The following KIF2C variants were observed in gnomAD, a reference collection of about 807,000 sequenced individuals.
KIF2C encodes kinesin family member 2C.
A neutral mutation model predicts 97.4 loss-of-function variants in KIF2C; 34 were observed. The ratio of observed to expected loss-of-function variants is 0.35; its 90% confidence interval spans 0.27 to 0.46. The LOEUF (loss-of-function observed/expected upper bound fraction) is 0.46. Ranked by LOEUF, KIF2C falls within the 20% of genes least tolerant of loss-of-function variation. KIF2C has a pLI of 1.00. For missense variants in KIF2C, 750 were observed against 907.6 expected, an observed-to-expected ratio of 0.83 and a Z score of 2.23; for synonymous variants, 313 against 318.2, an observed-to-expected ratio of 0.98 and a Z score of 0.17.
At position 44,760,264 on chromosome 1, in the gene KIF2C, C is replaced by G; in HGVS notation, c.1368-16C>G. On this transcript the variant is annotated splice_polypyrimidine_tract_variant and intron_variant, in intron 14 of 20. Coordinates refer to ENST00000372224, the MANE Select transcript of KIF2C (RefSeq NM_006845.4). The surrounding 1 kb of genome is among the most constrained non-coding windows in gnomAD (Gnocchi z 4.2). Reference sequence around the variant, plus strand: ...GGCTGGTGACCACAGAATCTCATAACCTTTCTTTACCACAGAACCTCTGGG... The same window carrying G: ...GGCTGGTGACCACAGAATCTCATAAGCTTTCTTTACCACAGAACCTCTGGG... 1 of 1,612,762 alleles carries G rather than the reference C, an allele frequency of 6.2e-7. No individual in the cohort carries two copies. Among genetic ancestry groups the G allele is most frequent in the Non-Finnish European group, 8.5e-7 (1 of 1,179,120 alleles).
chr1:44,749,361 G>C (rs181923258), intron 4 of KIF2C, among the ~76,000 whole-genome samples: 32 of 152,152 alleles, frequency 2.1e-4, no homozygotes, highest in South Asian at 4.1e-4. Flanking sequence ...TTGAGCCCGG[G>C]GGGGCAGAGG....
chr1:44,765,923 G>C (rs1219270325), intron 19 of KIF2C, among the ~76,000 whole-genome samples: 1 of 152,184 alleles, frequency 6.6e-6, no homozygotes, highest in Non-Finnish European at 1.5e-5. Flanking sequence ...ATGGTGGCAG[G>C]CACCTGTAAT....
rs1573568837 is a variant in KIF2C, at chr1:44,757,464, T to G, written c.978-92T>G. The G allele has an allele frequency of 1.1e-5, 9 of 819,460 alleles. No individual in the cohort carries two copies. In the East Asian group the frequency reaches 2.2e-4, roughly 20 times the overall value. 50.8% of individuals were successfully genotyped at this position (819,460 alleles called of 1,614,324 possible). A position where few individuals can be genotyped will look rare whatever the true frequency, so the allele number is the denominator to read the frequency against. On this transcript the variant is annotated intron_variant, in intron 10 of 20. Transcript: ENST00000372224. ...GGAGTGCTATTCTTAGAAGGAGGAA[T>G]CGACCCTAGAACTCTGCAGTGGAAG... is the stretch of plus-strand genomic sequence containing the variant.
Position 44,758,112 on chromosome 1 carries a change from T to C in KIF2C, c.1196T>C (p.Val399Ala). The part of the protein sequence containing the change: ...CYRKLGLEVY[V>A]TFFEIYNGKL... ...CGGAAGTTGGGCCTGGAAGTCTATG[T>C]GACATTCTTCGAGATCTACAATGGG... is the stretch of plus-strand genomic sequence containing the variant. Residue 399 changes from valine (V) to alanine (A), a missense_variant, in exon 13 of 21, where the codon GTG (valine) becomes GCG (alanine). Val to Ala is a moderately conservative substitution (Grantham distance 64). Coordinates refer to ENST00000372224, the MANE Select transcript of KIF2C (RefSeq NM_006845.4). The C allele has an allele frequency of 3.7e-6, 6 of 1,606,682 alleles. No individual in the cohort carries two copies. The highest frequency in any genetic ancestry group is 5.1e-6 in the Non-Finnish European group (6 of 1,176,944).
intron 19 of KIF2C, among the ~76,000 whole-genome samples, chr1:44,764,940 T>C (rs1196343657): frequency 6.6e-6 from 1 of 151,618 alleles, no homozygotes; most frequent in Non-Finnish European, 1.5e-5. Context: ...GCCAACATGG[T>C]GAAACCCCGT....
intron 5 of KIF2C, 128 bp from the exon 6 acceptor site, chr1:44,753,004 T>C: frequency 1.7e-6 from 2 of 1,164,032 alleles, no homozygotes; most frequent in African/African-American, 3.1e-5. Context: ...AAGCACAAGC[T>C]CTGCACATAC....
Position 44,760,219 on chromosome 1 carries a change from G to A in KIF2C, c.1368-61G>A. ...GTCCCTCCCTTCCTAGAGAACTTCTGTGGACTTGGGTGCCATGGGGGCTGG... is the reference window on the plus strand; with the variant it reads ...GTCCCTCCCTTCCTAGAGAACTTCTATGGACTTGGGTGCCATGGGGGCTGG... On this transcript the variant is annotated intron_variant, in intron 14 of 20. Transcript: ENST00000372224. The surrounding 1 kb of genome is among the most constrained non-coding windows in gnomAD (Gnocchi z 4.2). 6.6e-7 allele frequency: 1 copy of A among 1,508,678 alleles called. No individual in the cohort carries two copies. The highest frequency in any genetic ancestry group is 9.2e-7 in the Non-Finnish European group (1 of 1,089,654). 93.5% of individuals were successfully genotyped at this position (1,508,678 alleles called of 1,614,324 possible).
intron 6 of KIF2C, 34 bp downstream of exon 6, chr1:44,753,288 T>C (rs753539500): frequency 1.3e-6 from 2 of 1,592,994 alleles, no homozygotes; most frequent in East Asian, 4.5e-5. Context: ...GTTCTGCTTC[T>C]AGTGAGGCAC....
At chr1:44,744,397 C>A (rs933802269) in intron 2 of KIF2C, among the ~76,000 whole-genome samples, 1 of 152,188 alleles carries the variant, frequency 6.6e-6, no homozygotes, top group Non-Finnish European at 1.5e-5. Flanking sequence ...CATGAGCCAC[C>A]ACATGTGGCT....
chr1:44,746,650 C>T (rs1012842448), intron 2 of KIF2C: 3 of 1,549,544 alleles, frequency 1.9e-6, no homozygotes, highest in Non-Finnish European at 2.6e-6. Flanking sequence ...CCTAGATCTG[C>T]TGTGGAGTAC....
intron 1 of KIF2C, 88 bp downstream of exon 1, chr1:44,740,090 T>G: frequency 7.0e-7 from 1 of 1,426,364 alleles, no homozygotes; most frequent in Non-Finnish European, 9.9e-7. Flanking sequence ...CAGATGGGCT[T>G]TCACTCTCTT....
At position 44,740,085 on chromosome 1, in the gene KIF2C, G is replaced by A. The variant is rs760732937; in HGVS notation, c.70+83G>A. 4.0e-6 allele frequency: 6 copies of A among 1,482,266 alleles called. No individual in the cohort carries two copies. The Admixed American group carries it at 5.0e-5, about 12-fold the overall frequency. The allele number at this position is 1,482,266 out of a possible 1,614,324, so 91.8% of individuals were successfully genotyped here. A position where few individuals can be genotyped will look rare whatever the true frequency, so the allele number is the denominator to read the frequency against. On this transcript the variant is annotated intron_variant, in intron 1 of 20. Coordinates refer to ENST00000372224, the MANE Select transcript of KIF2C (RefSeq NM_006845.4). ...ACTGCCCGTCCCCGGACACACAGATGGGCTTTCACTCTCTTTCTCTCCCTC... is the reference window on the plus strand; with the variant it reads ...ACTGCCCGTCCCCGGACACACAGATAGGCTTTCACTCTCTTTCTCTCCCTC...
chr1:44,742,994 C>T (rs1202775536), intron 2 of KIF2C, among the ~76,000 whole-genome samples: 1 of 152,146 alleles, frequency 6.6e-6, no homozygotes, highest in Non-Finnish European at 1.5e-5. Flanking sequence ...AGTGTGAAGG[C>T]TTAGCTGAAG....
intron 19 of KIF2C, among the ~76,000 whole-genome samples, chr1:44,762,973 G>A (rs537079014): frequency 6.6e-6 from 1 of 152,290 alleles, no homozygotes; most frequent in South Asian, 2.1e-4. Flanking sequence ...TTTGGTGAAT[G>A]TTGCAACTCT....
At chr1:44,742,717 TCA>T in intron 2 of KIF2C, among the ~76,000 whole-genome samples, 1 of 73,150 alleles carries the variant, frequency 1.4e-5, no homozygotes, top group Admixed American at 1.7e-4. Context: ...AAACTTCGTC[TCA>T]AAAAAAAAAA....
rs749491969 is a variant in KIF2C at position 44,753,687 on chromosome 1, CAG to C, written c.563-43_563-42del. On this transcript the variant is annotated intron_variant, in intron 6 of 20. Transcript: ENST00000372224. ...AGAGTAGGCTGGCTTAAACTGGTAA[CAG>C]AGTGGGCTTCCTTTTTTTTTCTTTT... is the stretch of plus-strand genomic sequence containing the variant. 6.5e-6 allele frequency: 9 copies of C among 1,386,550 alleles called. No homozygotes were observed. The East Asian group carries it at 7.0e-5, about 11-fold the overall frequency. The allele number at this position is 1,386,550 out of a possible 1,614,324, so 85.9% of individuals were successfully genotyped here. A position where few individuals can be genotyped will look rare whatever the true frequency, so the allele number is the denominator to read the frequency against.
chr1:44,740,173 G>A (rs532399389), intron 1 of KIF2C, 171 bp downstream of exon 1: 3 of 777,578 alleles, frequency 3.9e-6, no homozygotes, highest in African/African-American at 1.7e-5. Flanking sequence ...CCTACACAGG[G>A]GTGAGAGTCC....
chr1:44,740,107 C>T (rs530250085), intron 1 of KIF2C, 105 bp downstream of exon 1: 11 of 1,344,336 alleles, frequency 8.2e-6, no homozygotes, highest in Non-Finnish European at 1.2e-5. Context: ...TCTTTCTCTC[C>T]CTCCCTCCTT....
chr1:44,745,227 A>G (rs1295473393), intron 2 of KIF2C, among the ~76,000 whole-genome samples: 3 of 151,008 alleles, frequency 2.0e-5, no homozygotes, highest in Non-Finnish European at 4.4e-5. Flanking sequence ...TTTGTTGTTT[A>G]TGCTCTCTGT....
Sources: allele counts gnomAD v4.1 joint callset (sites outside exome capture counted in the v4.1 genomes callset), GRCh38; gene constraint gnomAD v4.1.1; non-coding constraint Gnocchi (gnomAD v3.1); transcripts MANE v1.5; gene names NCBI Gene and HGNC (gene_info 2026-07-23, HGNC 2026-07-21).